Variants in CHCHD6 observed in about 807,000 individuals in gnomAD.
CHCHD6 encodes the protein MICOS complex subunit MIC25.
In CHCHD6, 28 loss-of-function variants were observed where a neutral mutation model predicts 32.3. That is an observed-to-expected ratio of 0.87 (90% CI 0.64 to 1.19). The LOEUF is 1.19. CHCHD6 is among the 50% of genes most tolerant of loss of function. The probability of loss-of-function intolerance (pLI) is 0.00; values close to 1 mark genes in which losing one functional copy is unlikely to be tolerated. For missense variants in CHCHD6, 333 were observed against 307.0 expected (o/e 1.08, Z -0.63); for synonymous variants, 122 against 117.5 (o/e 1.04, Z -0.25).
At chr3:126,910,105 C>A (rs978205020) in intron 5 of CHCHD6, among the ~76,000 whole-genome samples, 7 of 152,040 alleles carry the variant, frequency 4.6e-5, no homozygotes, top group Admixed American at 2.0e-4. Context: ...GGCGAAACCC[C>A]CTCTCTGTAA....
At chr3:126,710,329 G>A (rs941275485) in intron 1 of CHCHD6, among the ~76,000 whole-genome samples, 1 of 152,136 alleles carries the variant, frequency 6.6e-6, no homozygotes, top group African/African-American at 2.4e-5. Flanking sequence ...GTACCATGCT[G>A]TCATGCTGAT....
intron 1 of CHCHD6, among the ~76,000 whole-genome samples, chr3:126,705,255 T>C (rs1354673490): frequency 6.6e-6 from 1 of 152,230 alleles, no homozygotes; most frequent in Admixed American, 6.5e-5. Flanking sequence ...ATCACAGTGA[T>C]CGCTTCTGTT....
intron 6 of CHCHD6, among the ~76,000 whole-genome samples, chr3:126,924,879 G>A (rs944523006): frequency 2.0e-5 from 3 of 152,172 alleles, no homozygotes; most frequent in Admixed American, 6.5e-5. Flanking sequence ...AGCTGAGGTC[G>A]CAGGAAAGGT....
intron 4 of CHCHD6, among the ~76,000 whole-genome samples, chr3:126,768,004 G>A (rs1286108949): frequency 1.3e-5 from 2 of 152,168 alleles, no homozygotes; most frequent in Non-Finnish European, 2.9e-5. Flanking sequence ...CCATGGATGA[G>A]TATTTAGGTT....
At chr3:126,728,368 A>G (rs989677189) in intron 2 of CHCHD6, among the ~76,000 whole-genome samples, 2 of 152,210 alleles carry the variant, frequency 1.3e-5, no homozygotes, top group African/African-American at 4.8e-5. Context: ...GTGGGTGGGC[A>G]CTGCGAATGG....
At chr3:126,849,468 C>G (rs1941397929) in intron 4 of CHCHD6, among the ~76,000 whole-genome samples, 2 of 152,228 alleles carry the variant, frequency 1.3e-5, no homozygotes, top group Admixed American at 1.3e-4. Flanking sequence ...AAAGTGTGAA[C>G]TCACTGTGTT....
chr3:126,795,770 T>C (rs1391028792), intron 4 of CHCHD6, among the ~76,000 whole-genome samples: 1 of 152,188 alleles, frequency 6.6e-6, no homozygotes, highest in East Asian at 1.9e-4. Flanking sequence ...CATTAGGCCC[T>C]GCCACTTCTC....
At chr3:126,736,526 T>C (rs1294836960) in intron 4 of CHCHD6, among the ~76,000 whole-genome samples, 4 of 152,246 alleles carry the variant, frequency 2.6e-5, no homozygotes, top group Non-Finnish European at 4.4e-5. Flanking sequence ...CCTCTGACTT[T>C]TTCCAATATT....
At chr3:126,953,253 C>T (rs971290662) in intron 6 of CHCHD6, 4 of 483,950 alleles carry the variant, frequency 8.3e-6, no homozygotes, top group Admixed American at 1.3e-4. Context: ...CATCTGCCAG[C>T]TCCTTGTTGA....
intron 4 of CHCHD6, among the ~76,000 whole-genome samples, chr3:126,804,638 C>T (rs1939263215): frequency 6.6e-6 from 1 of 152,156 alleles, no homozygotes; most frequent in African/African-American, 2.4e-5. Flanking sequence ...GAACTGGTAC[C>T]ATTCCTTCTG....
chr3:126,763,228 C>T (rs114554381), intron 4 of CHCHD6, among the ~76,000 whole-genome samples: 68 of 151,494 alleles, frequency 4.5e-4, no homozygotes, highest in African/African-American at 1.4e-3. Context: ...TTTTCTTTTC[C>T]CTTTTCCTTT....
intron 5 of CHCHD6, among the ~76,000 whole-genome samples, chr3:126,908,934 G>T (rs2107587011): frequency 6.6e-6 from 1 of 152,366 alleles, no homozygotes; most frequent in African/African-American, 2.4e-5. Context: ...CGGAAGAGGT[G>T]GGTCCTGACC....
chr3:126,759,336 A>G (rs1257804335), intron 4 of CHCHD6, among the ~76,000 whole-genome samples: 3 of 152,202 alleles, frequency 2.0e-5, no homozygotes, highest in African/African-American at 7.2e-5. Context: ...AAGAACAAGA[A>G]CATTCTCCTG....
chr3:126,853,520 GA>G (rs1941550724), intron 5 of CHCHD6, among the ~76,000 whole-genome samples: 1 of 152,294 alleles, frequency 6.6e-6, no homozygotes, highest in South Asian at 2.1e-4. Context: ...CAGTTTGCTT[GA>G]GGGGCCTGAT....
At chr3:126,950,507 A>T (rs1475377443) in intron 6 of CHCHD6, among the ~76,000 whole-genome samples, 2 of 152,196 alleles carry the variant, frequency 1.3e-5, no homozygotes, top group African/African-American at 4.8e-5. Context: ...GCTGGAGTGC[A>T]GTGGCACGCT....
intron 4 of CHCHD6, among the ~76,000 whole-genome samples, chr3:126,733,843 A>G (rs904226583): frequency 1.2e-4 from 18 of 152,120 alleles, no homozygotes; most frequent in Non-Finnish European, 2.9e-5. Context: ...TAAGTGCAGC[A>G]TTTATTTTGC....
At chr3:126,787,292 T>A (rs1186567824) in intron 4 of CHCHD6, among the ~76,000 whole-genome samples, 1 of 152,204 alleles carries the variant, frequency 6.6e-6, no homozygotes, top group African/African-American at 2.4e-5. Flanking sequence ...GGCTTAGGAT[T>A]GACTTGGCAA....
intron 5 of CHCHD6, among the ~76,000 whole-genome samples, chr3:126,863,392 A>C (rs1180444336): frequency 4.8e-5 from 4 of 83,796 alleles, no homozygotes; most frequent in African/African-American, 1.0e-4. Flanking sequence ...TACCATCACC[A>C]CCTCCTCCTC....
At chr3:126,795,605 T>C (rs1012825014) in intron 4 of CHCHD6, among the ~76,000 whole-genome samples, 6 of 152,166 alleles carry the variant, frequency 3.9e-5, no homozygotes, top group Non-Finnish European at 5.9e-5. Flanking sequence ...TTATGTTTGG[T>C]TTGGCTTTTT....
Sources: gnomAD v4.1 joint callset for allele counts (sites outside exome capture counted in the v4.1 genomes callset) on GRCh38, gnomAD v4.1.1 for gene constraint, MANE v1.5 for transcripts, NCBI Gene and HGNC (gene_info 2026-07-23, HGNC 2026-07-21) for gene names.